DLGAP2: variants seen among roughly 807,000 people sequenced by gnomAD.
DLGAP2 encodes the protein disks large-associated protein 2.
DLGAP2 carries 26 observed loss-of-function variants against 100.3 expected under a neutral mutation model. The ratio of observed to expected loss-of-function variants is 0.26; its 90% CI spans 0.19 to 0.36. The LOEUF is 0.36. DLGAP2 is among the 10% of genes least tolerant of loss of function. The pLI, the probability that DLGAP2 is intolerant of heterozygous loss-of-function variation, is 1.00. For missense variants in DLGAP2, 1,858 were observed against 1,453.2 expected (o/e 1.28, Z -4.53); for synonymous variants, 886 against 630.1 (o/e 1.41, Z -6.08).
At chr8:1,680,843 C>G (rs1403555749) in intron 12 of DLGAP2, 2 of 152,204 alleles carry the variant, frequency 1.3e-5, no homozygotes, top group African/African-American at 4.8e-5. Context: ...AGATAAAACA[C>G]AGAAAAACTG....
intron 3 of DLGAP2, among the ~76,000 whole-genome samples, chr8:1,378,509 G>C (rs1006874343): frequency 1.3e-5 from 2 of 150,814 alleles, no homozygotes; most frequent in African/African-American, 4.9e-5. Context: ...TGTCTTTCCT[G>C]CGCACACCTG....
At chr8:1,112,725 G>A (rs1465100002) in intron 2 of DLGAP2, among the ~76,000 whole-genome samples, 1 of 152,162 alleles carries the variant, frequency 6.6e-6, no homozygotes, top group African/African-American at 2.4e-5. Flanking sequence ...AGTTTAATTG[G>A]ATCCCATTTG....
chr8:818,375 G>T (rs962562904), intron 1 of DLGAP2, among the ~76,000 whole-genome samples: 1 of 152,170 alleles, frequency 6.6e-6, no homozygotes, highest in African/African-American at 2.4e-5. Flanking sequence ...ACAGTACCGA[G>T]TCTATTTCCA....
intron 2 of DLGAP2, among the ~76,000 whole-genome samples, chr8:934,605 C>T (rs1002189693): frequency 2.6e-5 from 4 of 152,140 alleles, no homozygotes; most frequent in Admixed American, 6.5e-5. Flanking sequence ...AGGCGTGTGA[C>T]GTGGCTATTC....
Position 1,701,518 on chromosome 8 carries a change from C to G in DLGAP2, c.*112C>G, listed in dbSNP as rs1030197792. The G allele has an allele frequency of 2.2e-5, 25 of 1,141,212 alleles. No homozygotes were observed. The highest frequency in any genetic ancestry group is 4.8e-6 in the Non-Finnish European group (4 of 829,458). 70.7% of individuals were successfully genotyped at this position (1,141,212 alleles called of 1,614,324 possible). A position where few individuals can be genotyped will look rare whatever the true frequency, so the allele number is the denominator to read the frequency against. On this transcript the variant is annotated 3_prime_UTR_variant, in exon 15 of 15. Coordinates refer to ENST00000637795, the MANE Select transcript of DLGAP2 (RefSeq NM_001346810.2). ...TCCTCCCGCTGAACACGTCCTCGCT[C>G]CCGCGCTCCCCGCGCCCCGGACACA...
At chr8:1,233,616 G>A (rs1798582446) in intron 2 of DLGAP2, among the ~76,000 whole-genome samples, 2 of 151,322 alleles carry the variant, frequency 1.3e-5, no homozygotes, top group East Asian at 1.9e-4. Flanking sequence ...GAGCTGCCCA[G>A]CTCTGGGTCC....
chr8:1,093,415 A>T (rs1423242099), intron 2 of DLGAP2, among the ~76,000 whole-genome samples: 1 of 152,064 alleles, frequency 6.6e-6, no homozygotes, highest in African/African-American at 2.4e-5. Context: ...ACTGACAGCC[A>T]GAAACACCTT....
chr8:1,042,379 G>C (rs1449602047), intron 2 of DLGAP2, among the ~76,000 whole-genome samples: 2 of 152,208 alleles, frequency 1.3e-5, no homozygotes, highest in South Asian at 4.1e-4. Flanking sequence ...GGAAAAACAT[G>C]TTAGACGCAG....
rs201940325 is a variant in DLGAP2, at chr8:1,549,246, G to A, written c.793G>A (p.Asp265Asn). 100 of 1,608,482 alleles carry A rather than the reference G, an allele frequency of 6.2e-5. No individual in the cohort carries two copies. Among genetic ancestry groups the A allele is most frequent in the African/African-American group, 1.3e-5 (1 of 74,980 alleles). ...CACCAAGGCGGACGGCCGGGCGGAC[G>A]ACCACCACCACGCCCACCACGCCAA... is the stretch of plus-strand genomic sequence containing the variant. The part of the protein sequence containing the change: ...NGTKADGRAD[D>N]HHHAHHAKHS... Residue 265 changes from aspartate to asparagine, a missense_variant, in exon 5 of 15, where the codon GAC becomes AAC. Coordinates refer to ENST00000637795, the MANE Select transcript of DLGAP2 (RefSeq NM_001346810.2).
intron 3 of DLGAP2, among the ~76,000 whole-genome samples, chr8:1,459,826 C>G (rs538000163): frequency 9.2e-5 from 14 of 151,718 alleles, no homozygotes; most frequent in Middle Eastern, 6.9e-3. Context: ...GCGGGAATTG[C>G]AGGTGCGCAC....
chr8:1,628,414 G>A (rs1218530031), intron 7 of DLGAP2, among the ~76,000 whole-genome samples: 1 of 122,462 alleles, frequency 8.2e-6, no homozygotes, highest in African/African-American at 3.6e-5. Context: ...GGAATTAAGA[G>A]CTTGAGCCGA....
intron 2 of DLGAP2, among the ~76,000 whole-genome samples, chr8:1,151,868 T>C (rs915221679): frequency 3.3e-5 from 5 of 152,222 alleles, no homozygotes; most frequent in Admixed American, 6.5e-5. Flanking sequence ...GAACAAACTA[T>C]TGGAAGTAAA....
At chr8:1,379,054 A>G (rs935362945) in intron 3 of DLGAP2, among the ~76,000 whole-genome samples, 5 of 152,252 alleles carry the variant, frequency 3.3e-5, no homozygotes, top group African/African-American at 7.2e-5. Flanking sequence ...AAAAAATTCA[A>G]TTTCTTTCCC....
intron 5 of DLGAP2, among the ~76,000 whole-genome samples, chr8:1,551,861 C>T (rs1801779257): frequency 6.6e-6 from 1 of 152,214 alleles, no homozygotes; most frequent in South Asian, 2.1e-4. Context: ...TGGTCACATT[C>T]CCCTGAGGGC....
At chr8:1,533,981 T>A (rs1801072048) in intron 4 of DLGAP2, among the ~76,000 whole-genome samples, 1 of 152,194 alleles carries the variant, frequency 6.6e-6, no homozygotes, top group Non-Finnish European at 1.5e-5. Context: ...TGAATACATA[T>A]TTCAAAATTA....
At chr8:1,040,585 C>T (rs951591106) in intron 2 of DLGAP2, among the ~76,000 whole-genome samples, 10 of 146,932 alleles carry the variant, frequency 6.8e-5, no homozygotes, top group African/African-American at 1.8e-4. Context: ...TTTCCGTGGT[C>T]GGCTCAGTGT....
At chr8:1,690,428 G>A (rs1156602950) in intron 12 of DLGAP2, among the ~76,000 whole-genome samples, 1 of 151,910 alleles carries the variant, frequency 6.6e-6, no homozygotes, top group Non-Finnish European at 1.5e-5. Flanking sequence ...TTTACAGCCA[G>A]GCACGGTGGC....
At chr8:1,514,409 C>G (rs60634645) in intron 4 of DLGAP2, among the ~76,000 whole-genome samples, 1 of 152,240 alleles carries the variant, frequency 6.6e-6, no homozygotes, top group African/African-American at 2.4e-5. Flanking sequence ...ACGTTTTAAG[C>G]TCCACTTTTA....
At position 1,583,263 on chromosome 8, in the gene DLGAP2, G is replaced by T. The variant is rs569156968; in HGVS notation, c.1442+17369G>T. Reference sequence around the variant, plus strand: ...CCCTCCCATCTGCCATGGGTTGGGTGAGGTGATCAAGTGAGTAACCAAGAG... The same window carrying T: ...CCCTCCCATCTGCCATGGGTTGGGTTAGGTGATCAAGTGAGTAACCAAGAG... On this transcript the variant is annotated intron_variant, in intron 6 of 14. Coordinates refer to ENST00000637795, the MANE Select transcript of DLGAP2 (RefSeq NM_001346810.2). Among the ~76,000 whole-genome samples the T allele has an allele frequency of 2.4e-4, 36 of 152,306 alleles. 1 individual carries two copies. Among genetic ancestry groups the T allele is most frequent in the Middle Eastern group, 3.4e-3 (1 of 294 alleles).
Sources: gnomAD v4.1 joint callset for allele counts (sites outside exome capture counted in the v4.1 genomes callset) on GRCh38, gnomAD v4.1.1 for gene constraint, MANE v1.5 for transcripts, NCBI Gene and HGNC (gene_info 2026-07-23, HGNC 2026-07-21) for gene names.